GGA1: variants seen among roughly 807,000 people sequenced by gnomAD.
The protein encoded by GGA1 is ADP-ribosylation factor-binding protein GGA1.
GGA1 carries 18 observed loss-of-function variants against 76.9 expected under a neutral mutation model. The ratio of observed to expected loss-of-function variants is 0.23; its 90% CI spans 0.16 to 0.35. GGA1 has a LOEUF of 0.35. Among genes scored for constraint, GGA1 ranks in the 10% least tolerant of loss-of-function variants. The pLI is 1.00. For missense variants in GGA1, 755 were observed against 859.0 expected (o/e 0.88, Z 1.51); for synonymous variants, 342 against 354.7 (o/e 0.96, Z 0.40).
intron 1 of GGA1, chr22:37,609,194 C>T (rs1252457980): frequency 4.4e-6 from 6 of 1,357,014 alleles, no homozygotes; most frequent in East Asian, 4.0e-5. Flanking sequence ...AGAGAGCAGC[C>T]TCCAACCCCC....
intron 11 of GGA1, among the ~76,000 whole-genome samples, chr22:37,628,337 A>G (rs946074881): frequency 1.3e-5 from 2 of 152,204 alleles, no homozygotes; most frequent in Non-Finnish European, 2.9e-5. Context: ...AGCTGGGATT[A>G]CAGACATTAG....
intron 11 of GGA1, chr22:37,626,216 G>C (rs1028668266): frequency 3.5e-5 from 12 of 342,104 alleles, no homozygotes; most frequent in Middle Eastern, 7.4e-4. Context: ...CTGGCAGCCT[G>C]GGGGGAAACC....
At chr22:37,620,215 G>A in intron 4 of GGA1, 23 bp from the exon 5 acceptor site, 2 of 1,613,194 alleles carry the variant, frequency 1.2e-6, no homozygotes, top group Non-Finnish European at 1.7e-6. Flanking sequence ...AGTATCAAAG[G>A]CCTCCCCACT....
At chr22:37,622,996 G>A (rs1248181366) in intron 7 of GGA1, among the ~76,000 whole-genome samples, 2 of 152,218 alleles carry the variant, frequency 1.3e-5, no homozygotes, top group Non-Finnish European at 2.9e-5. Context: ...CACAAGGAGG[G>A]CAAGAGTCAC....
chr22:37,629,594 C>T, intron 12 of GGA1, 68 bp downstream of exon 12: 1 of 1,011,234 alleles, frequency 9.9e-7, no homozygotes, highest in Non-Finnish European at 1.5e-6. Context: ...GGACAAGTGG[C>T]CTGGAGAAAC....
At chr22:37,626,603 T>C (rs1388973331) in intron 11 of GGA1, 7 of 152,198 alleles carry the variant, frequency 4.6e-5, no homozygotes, top group Admixed American at 4.6e-4. Flanking sequence ...GAAGAGCAGA[T>C]ACGTTAGGGC....
chr22:37,608,850 G>A lies in GGA1; in HGVS notation c.-11G>A. On this transcript the variant is annotated 5_prime_UTR_variant, in exon 1 of 17. Coordinates refer to ENST00000343632, the MANE Select transcript of GGA1 (RefSeq NM_013365.5). ...CGGGGGGGCGGTGCCGAGGCTGGGGGCCGGTGGCGGATGGAGCCCGCGATG... is the reference window on the plus strand; with the variant it reads ...CGGGGGGGCGGTGCCGAGGCTGGGGACCGGTGGCGGATGGAGCCCGCGATG... 6 of 1,308,956 alleles carry A rather than the reference G, an allele frequency of 4.6e-6. No individual in the cohort carries two copies. The highest frequency in any genetic ancestry group is 2.3e-5 in the South Asian group (1 of 44,442). 81.1% of individuals were successfully genotyped at this position (1,308,956 alleles called of 1,614,324 possible).
At chr22:37,622,414 C>G (rs558953640) in intron 7 of GGA1, among the ~76,000 whole-genome samples, 1 of 150,216 alleles carries the variant, frequency 6.7e-6, no homozygotes, top group Non-Finnish European at 1.5e-5. Flanking sequence ...ACATATGTTG[C>G]CTGGGTGCCT....
At chr22:37,616,372 G>A (rs1453310539) in intron 2 of GGA1, among the ~76,000 whole-genome samples, 1 of 152,188 alleles carries the variant, frequency 6.6e-6, no homozygotes, top group East Asian at 1.9e-4. Flanking sequence ...AGCTTAGGCA[G>A]GAAAGTGCAT....
intron 6 of GGA1, 119 bp from the exon 7 acceptor site, chr22:37,621,493 CAGAG>C: frequency 1.5e-6 from 1 of 648,596 alleles, no homozygotes; most frequent in Non-Finnish European, 2.8e-6. Context: ...CACCATTTCA[CAGAG>C]AGCTTAAGTA....
At chr22:37,618,843 A>G (rs933336242) in intron 4 of GGA1, among the ~76,000 whole-genome samples, 1 of 152,166 alleles carries the variant, frequency 6.6e-6, no homozygotes, top group African/African-American at 2.4e-5. Context: ...AAGCTGACAG[A>G]TGGCTGTATG....
chr22:37,616,043 C>T (rs945929836), intron 2 of GGA1, among the ~76,000 whole-genome samples: 2 of 152,104 alleles, frequency 1.3e-5, no homozygotes, highest in African/African-American at 2.4e-5. Context: ...AGGGTTTCAC[C>T]GTGTTAGCCA....
Position 37,623,246 on chromosome 22 carries a change from C to A in GGA1, c.610-81C>A. ...ACCCAGCTGTCAACCCAGATCCCAG[C>A]ACACATTCTCTCAAGTGGCAGGGGG... On this transcript the variant is annotated intron_variant, in intron 7 of 16. Transcript: ENST00000343632. This position sits in a 1 kb window ranked among gnomAD's most constrained non-coding sequence, Gnocchi z 4.6. The A allele has an allele frequency of 7.5e-7, 1 of 1,335,802 alleles. No individual in the cohort carries two copies. Among genetic ancestry groups the A allele is most frequent in the Non-Finnish European group, 1.1e-6 (1 of 930,176 alleles). The allele number at this position is 1,335,802 out of a possible 1,614,324, so 82.7% of individuals were successfully genotyped here.
In GGA1 at chr22:37,618,464, T is replaced by G; in HGVS notation, c.221T>G (p.Met74Arg). The change falls in exon 4 of 17, where the codon ATG (methionine) becomes AGG (arginine). Residue 74 changes from methionine (M) to arginine (R), a missense_variant. Met to Arg is a moderately conservative substitution (Grantham distance 91). Transcript: ENST00000343632. ...IQALTVLETCMKSCGKRFHDE... is the reference protein window; with the variant it reads ...IQALTVLETCRKSCGKRFHDE... ...CCTGCACAGGTGCTGGAAACATGCA[T>G]GAAGAGCTGCGGCAAGCGGTTCCAC... 6.2e-7 allele frequency: 1 copy of G among 1,609,990 alleles called. No individual in the cohort carries two copies. The highest frequency in any genetic ancestry group is 8.5e-7 in the Non-Finnish European group (1 of 1,176,348).
intron 13 of GGA1, chr22:37,630,375 C>G (rs972384555): frequency 5.6e-6 from 3 of 534,910 alleles, no homozygotes; most frequent in Non-Finnish European, 6.4e-6. Context: ...GGCCTCCCCC[C>G]AGGTGTTCCC....
In GGA1 at chr22:37,629,988, T is replaced by C; in HGVS notation, c.1159-10T>C. 1.3e-6 allele frequency: 2 copies of C among 1,539,760 alleles called. No individual in the cohort carries two copies. The highest frequency in any genetic ancestry group is 4.7e-5 in the East Asian group (2 of 42,652). On this transcript the variant is annotated splice_polypyrimidine_tract_variant and intron_variant, in intron 12 of 16. Transcript: ENST00000343632. ...ACAGCCCCACCCCACCTGCATCCTTTTCCCCACAGTCGTCGGATGCCACTG... is the reference window on the plus strand; with the variant it reads ...ACAGCCCCACCCCACCTGCATCCTTCTCCCCACAGTCGTCGGATGCCACTG...
chr22:37,616,169 C>T (rs965723602), intron 2 of GGA1, among the ~76,000 whole-genome samples: 2 of 152,154 alleles, frequency 1.3e-5, no homozygotes, highest in Admixed American at 6.5e-5. Context: ...GTGGGCTCCC[C>T]AGGCGATACT....
intron 11 of GGA1, among the ~76,000 whole-genome samples, chr22:37,628,929 T>G (rs560545029): frequency 6.6e-5 from 10 of 152,202 alleles, no homozygotes; most frequent in Non-Finnish European, 1.3e-4. Context: ...ATAGTACCAG[T>G]GAGCCTCACT....
chr22:37,612,952 T>C (rs1399004877), intron 1 of GGA1: 1 of 984,914 alleles, frequency 1.0e-6, no homozygotes, highest in Non-Finnish European at 1.2e-6. Context: ...CCACTATCCA[T>C]TTCTGGATTC....
Sources: allele counts gnomAD v4.1 joint callset (sites outside exome capture counted in the v4.1 genomes callset), GRCh38; gene constraint gnomAD v4.1.1; non-coding constraint Gnocchi (gnomAD v3.1); transcripts MANE v1.5; gene names NCBI Gene and HGNC (gene_info 2026-07-23, HGNC 2026-07-21).